GRM1: variants seen among roughly 807,000 people sequenced by gnomAD.
GRM1 encodes glutamate metabotropic receptor 1.
Under a neutral mutation model 90.9 loss-of-function variants are expected in GRM1, and 33 were observed. The ratio of observed to expected loss-of-function variants is 0.36; its 90% confidence interval spans 0.28 to 0.49. GRM1 has a LOEUF of 0.49. Ranked by LOEUF, GRM1 falls within the 20% of genes least tolerant of loss-of-function variation. The pLI, the probability that GRM1 is intolerant of heterozygous loss-of-function variation, is 0.99. For synonymous variants in GRM1, 700 were observed against 613.2 expected (o/e 1.14, Z -2.09); for missense variants, 1,190 against 1,534.3 (o/e 0.78, Z 3.75).
At position 146,226,376 on chromosome 6, in the gene GRM1, C is replaced by G. The variant is rs538520389; in HGVS notation, c.950+66779C>G. Among the ~76,000 whole-genome samples the G allele has an allele frequency of 2.6e-5, 4 of 152,102 alleles. No homozygotes were observed. The South Asian group carries it at 8.3e-4, about 32-fold the overall frequency. On this transcript the variant is annotated intron_variant, in intron 2 of 7. Transcript: ENST00000282753. Reference sequence around the variant, plus strand: ...AAACAAAAAAGAGATGAAAAGAAACCAGAATTTTCATGCCTTTTGGAGTGA... The same window carrying G: ...AAACAAAAAAGAGATGAAAAGAAACGAGAATTTTCATGCCTTTTGGAGTGA...
chr6:146,426,538 C>T lies in GRM1; in HGVS notation c.2661-7334C>T, dbSNP rs763150096. On this transcript the variant is annotated intron_variant, in intron 7 of 7. Transcript: ENST00000282753. Reference sequence around the variant, plus strand: ...TATAACCCCCTCGCTCACTGGGTGTCTTTTTCTTTTCAATCTTCAGGAAGA... The same window carrying T: ...TATAACCCCCTCGCTCACTGGGTGTTTTTTTCTTTTCAATCTTCAGGAAGA... The T allele has an allele frequency of 1.9e-6, 3 of 1,606,674 alleles. No individual in the cohort carries two copies. In the Admixed American group the frequency reaches 5.1e-5, roughly 27 times the overall value.
At chr6:146,418,269 C>T (rs1777858104) in intron 7 of GRM1, among the ~76,000 whole-genome samples, 1 of 151,328 alleles carries the variant, frequency 6.6e-6, no homozygotes, top group South Asian at 2.1e-4. Context: ...TGTATGCAGC[C>T]CCATATAGTA....
chr6:146,163,199 T>G (rs1304737581), intron 2 of GRM1, among the ~76,000 whole-genome samples: 1 of 152,154 alleles, frequency 6.6e-6, no homozygotes, highest in Non-Finnish European at 1.5e-5. Context: ...CCTTTGACTT[T>G]GAATAAATTG....
chr6:146,304,985 G>C (rs1783524053), intron 3 of GRM1, 139 bp downstream of exon 3: 1 of 709,244 alleles, frequency 1.4e-6, no homozygotes. Context: ...TAAAATGCTA[G>C]AATAAGGAGG....
intron 2 of GRM1, among the ~76,000 whole-genome samples, chr6:146,219,555 G>T (rs566577234): frequency 3.9e-4 from 60 of 152,196 alleles, no homozygotes; most frequent in Non-Finnish European, 6.3e-4. Context: ...AAAAAAAAAG[G>T]GGGAGGAAGA....
chr6:146,175,638 A>G (rs369454633), intron 2 of GRM1, among the ~76,000 whole-genome samples: 17 of 152,214 alleles, frequency 1.1e-4, no homozygotes, highest in African/African-American at 4.1e-4. Context: ...ATACAAATGC[A>G]GGATCCATCT....
chr6:146,302,280 A>C (rs1783415780), intron 2 of GRM1, among the ~76,000 whole-genome samples: 1 of 149,908 alleles, frequency 6.7e-6, no homozygotes, highest in African/African-American at 2.5e-5. Context: ...CCTCACACAC[A>C]CAGGCGTGCG....
chr6:146,295,712 T>C (rs1282048444), intron 2 of GRM1, among the ~76,000 whole-genome samples: 1 of 152,158 alleles, frequency 6.6e-6, no homozygotes, highest in Non-Finnish European at 1.5e-5. Flanking sequence ...ATTGAGAGAT[T>C]ATCTTAGTGG....
chr6:146,269,133 G>T (rs2114815724), intron 2 of GRM1, among the ~76,000 whole-genome samples: 1 of 152,278 alleles, frequency 6.6e-6, no homozygotes, highest in East Asian at 1.9e-4. Flanking sequence ...CGCCCTGACT[G>T]CTTCTTCTGA....
chr6:146,035,608 C>T (rs891941559), intron 1 of GRM1, among the ~76,000 whole-genome samples: 4 of 151,926 alleles, frequency 2.6e-5, no homozygotes, highest in Non-Finnish European at 4.4e-5. Flanking sequence ...CTTTTAAAGA[C>T]AGTGCTCAAT....
intron 2 of GRM1, among the ~76,000 whole-genome samples, chr6:146,208,591 C>T (rs1562529876): frequency 2.0e-5 from 3 of 151,982 alleles, no homozygotes; most frequent in African/African-American, 4.8e-5. Context: ...CTACTCATGT[C>T]GGGGTCTTGA....
intron 2 of GRM1, among the ~76,000 whole-genome samples, chr6:146,195,063 G>A (rs796553897): frequency 4.6e-5 from 7 of 152,208 alleles, no homozygotes; most frequent in African/African-American, 1.7e-4. Flanking sequence ...TCTAAATGTT[G>A]ATATCCACTC....
chr6:146,221,537 A>C (rs1780061731), intron 2 of GRM1, among the ~76,000 whole-genome samples: 1 of 152,062 alleles, frequency 6.6e-6, no homozygotes, highest in South Asian at 2.1e-4. Flanking sequence ...ATCCTTTTTT[A>C]TGGCTGCATA....
chr6:146,283,625 A>G (rs1204215937), intron 2 of GRM1, among the ~76,000 whole-genome samples: 1 of 152,216 alleles, frequency 6.6e-6, no homozygotes, highest in Non-Finnish European at 1.5e-5. Flanking sequence ...ATAATACCTC[A>G]TATTTATTAA....
chr6:146,234,756 T>G (rs1780576829), intron 2 of GRM1, among the ~76,000 whole-genome samples: 1 of 152,122 alleles, frequency 6.6e-6, no homozygotes, highest in Non-Finnish European at 1.5e-5. Context: ...TACTAGGTGT[T>G]TTTTGAGACA....
chr6:146,098,669 A>G (rs1234705827), intron 1 of GRM1, among the ~76,000 whole-genome samples: 2 of 151,742 alleles, frequency 1.3e-5, no homozygotes, highest in Non-Finnish European at 1.5e-5. Flanking sequence ...CCTGAATTGT[A>G]GTTCTCATAA....
At chr6:146,078,092 T>C (rs956249542) in intron 1 of GRM1, among the ~76,000 whole-genome samples, 12 of 152,328 alleles carry the variant, frequency 7.9e-5, no homozygotes, top group Middle Eastern at 3.4e-3. Flanking sequence ...AAGAACACTA[T>C]TGGAAAAAAA....
intron 2 of GRM1, among the ~76,000 whole-genome samples, chr6:146,271,243 A>G (rs1029714044): frequency 1.3e-5 from 2 of 151,936 alleles, no homozygotes; most frequent in Non-Finnish European, 2.9e-5. Flanking sequence ...TGACCTCATG[A>G]TCTGCCTGCC....
At chr6:146,116,133 T>C (rs1035429011) in intron 1 of GRM1, among the ~76,000 whole-genome samples, 1 of 152,070 alleles carries the variant, frequency 6.6e-6, no homozygotes, top group African/African-American at 2.4e-5. Flanking sequence ...GTATTTTTAA[T>C]AATAGTAGAG....
Sources: allele counts gnomAD v4.1 joint callset (sites outside exome capture counted in the v4.1 genomes callset), GRCh38; gene constraint gnomAD v4.1.1; transcripts MANE v1.5; gene names NCBI Gene and HGNC (gene_info 2026-07-23, HGNC 2026-07-21).